Variants in GPRC5A observed in about 807,000 individuals in gnomAD.
GPRC5A encodes the protein G protein-coupled receptor class C group 5 member A.
A neutral mutation model predicts 22.5 loss-of-function variants in GPRC5A; 19 were observed. That is an observed-to-expected ratio of 0.85 (90% CI 0.59 to 1.24). GPRC5A has a LOEUF of 1.24. Ranked by LOEUF, GPRC5A falls within the 50% of genes most tolerant of loss-of-function variation. The pLI is 0.00. For missense variants in GPRC5A, 471 were observed against 451.1 expected (o/e 1.04, Z -0.40); for synonymous variants, 192 against 184.5 (o/e 1.04, Z -0.33).
At chr12:12,910,699 G>T (rs1266805146) in intron 2 of GPRC5A, among the ~76,000 whole-genome samples, 3 of 152,042 alleles carry the variant, frequency 2.0e-5, no homozygotes, top group Non-Finnish European at 2.9e-5. Context: ...GCATTCCCCA[G>T]TTTCCCCTGG....
chr12:12,905,770 C>T (rs556386356), intron 1 of GPRC5A, among the ~76,000 whole-genome samples: 1 of 152,182 alleles, frequency 6.6e-6, no homozygotes, highest in African/African-American at 2.4e-5. Flanking sequence ...AAAATTCACA[C>T]GAAGATTGTA....
At chr12:12,899,292 G>A (rs1863856582) in intron 1 of GPRC5A, among the ~76,000 whole-genome samples, 1 of 152,116 alleles carries the variant, frequency 6.6e-6, no homozygotes, top group South Asian at 2.1e-4. Context: ...CCATCTCTCG[G>A]CCTCTCAAAG....
At position 12,915,002 on chromosome 12, in the gene GPRC5A, A is replaced by G. The variant is rs980691251; in HGVS notation, c.*2463A>G. ...GAGGAGTAAAAGGTAAAATCACAAA[A>G]TACTCTGGATCGGCATTTTTTTTTT... On this transcript the variant is annotated 3_prime_UTR_variant, in exon 4 of 4. Transcript: ENST00000014914. 9 of 148,602 alleles carry G rather than the reference A, an allele frequency of 6.1e-5. No homozygotes were observed. Among genetic ancestry groups the G allele is most frequent in the Admixed American group, 2.8e-4 (4 of 14,486 alleles). The allele number at this position is 148,602 out of a possible 1,614,324, so 9.2% of individuals were successfully genotyped here. A position where few individuals can be genotyped will look rare whatever the true frequency, so the allele number is the denominator to read the frequency against.
intron 1 of GPRC5A, among the ~76,000 whole-genome samples, chr12:12,903,193 C>T (rs1863907636): frequency 6.6e-6 from 1 of 152,012 alleles, no homozygotes; most frequent in African/African-American, 2.4e-5. Flanking sequence ...CAAAATTGGC[C>T]ATATAGTAAT....
chr12:12,911,977 A>G (rs1864009895), intron 2 of GPRC5A, 107 bp from the exon 3 acceptor site: 1 of 715,076 alleles, frequency 1.4e-6, no homozygotes. Context: ...TCTGCTGGAG[A>G]GACAGGCAAT....
intron 2 of GPRC5A, 68 bp downstream of exon 2, chr12:12,909,239 T>A (rs1228380125): frequency 9.1e-7 from 1 of 1,101,462 alleles, no homozygotes; most frequent in Non-Finnish European, 1.3e-6. Flanking sequence ...TAGGATATTA[T>A]AACTGTAAGG....
chr12:12,917,210 ATCTGTGTGTG>A lies in GPRC5A; in HGVS notation c.*4673_*4682del, dbSNP rs1296750208. ...CAGGATGTTCCAAGGATGCTGCTGG[ATCTGTGTGTG>A]TGTGTGTGTGTGTGTGTGTGTGTGT... On this transcript the variant is annotated 3_prime_UTR_variant, in exon 4 of 4. Coordinates refer to ENST00000014914, the MANE Select transcript of GPRC5A (RefSeq NM_003979.4). 3 of 113,420 alleles carry A rather than the reference ATCTGTGTGTG, an allele frequency of 2.6e-5. No individual in the cohort carries two copies. Among genetic ancestry groups the A allele is most frequent in the Non-Finnish European group, 5.5e-5 (3 of 54,100 alleles). 7.0% of individuals were successfully genotyped at this position (113,420 alleles called of 1,614,324 possible).
chr12:12,901,762 CAAAAAAA>C (rs34748296), intron 1 of GPRC5A, among the ~76,000 whole-genome samples: 2 of 85,676 alleles, frequency 2.3e-5, no homozygotes, highest in African/African-American at 7.6e-5. Flanking sequence ...ACTTGGGCAT[CAAAAAAA>C]AAAAAAAAAA....
In GPRC5A at chr12:12,914,599, TC is replaced by T. The variant is rs1864043136; in HGVS notation, c.*2061del. 27 of 146,946 alleles carry T rather than the reference TC, an allele frequency of 1.8e-4. No homozygotes were observed. The highest frequency in any genetic ancestry group is 6.9e-4 in the African/African-American group (27 of 39,176). The allele number at this position is 146,946 out of a possible 1,614,324, so 9.1% of individuals were successfully genotyped here. A position where few individuals can be genotyped will look rare whatever the true frequency, so the allele number is the denominator to read the frequency against. ...TTCTTTCTTTCTTTCTTTCTTTCTCTCTCTCTCTCTCTCTCTCTTTCTTTCT... is the reference window on the plus strand; with the variant it reads ...TTCTTTCTTTCTTTCTTTCTTTCTCTTCTCTCTCTCTCTCTCTTTCTTTCT... On this transcript the variant is annotated 3_prime_UTR_variant, in exon 4 of 4. Coordinates refer to ENST00000014914, the MANE Select transcript of GPRC5A (RefSeq NM_003979.4).
chr12:12,900,906 A>AAC (rs1555104705), intron 1 of GPRC5A, among the ~76,000 whole-genome samples: 27 of 123,410 alleles, frequency 2.2e-4, no homozygotes, highest in East Asian at 1.9e-3. Context: ...AAAAAAAAAA[A>AAC]AAAAAAACAA....
chr12:12,897,498 G>C (rs185597732), intron 1 of GPRC5A, among the ~76,000 whole-genome samples: 1 of 152,044 alleles, frequency 6.6e-6, no homozygotes, highest in Non-Finnish European at 1.5e-5. Flanking sequence ...AGGTGGAGAC[G>C]GGAGTTAGGG....
chr12:12,913,583 C>T lies in GPRC5A; in HGVS notation c.*1044C>T, dbSNP rs1864030203. On this transcript the variant is annotated 3_prime_UTR_variant, in exon 4 of 4. Coordinates refer to ENST00000014914, the MANE Select transcript of GPRC5A (RefSeq NM_003979.4). ...CATGGTCTCCTAATGGAGGAGTGTT[C>T]ATTGTATAATAAGTTATTCACCTGA... is the stretch of plus-strand genomic sequence containing the variant. 1 of 152,146 alleles carries T rather than the reference C, an allele frequency of 6.6e-6. No homozygotes were observed. The highest frequency in any genetic ancestry group is 6.5e-5 in the Admixed American group (1 of 15,282). 9.4% of individuals were successfully genotyped at this position (152,146 alleles called of 1,614,324 possible).
intron 2 of GPRC5A, among the ~76,000 whole-genome samples, chr12:12,910,479 G>T (rs527647026): frequency 1.3e-5 from 2 of 152,254 alleles, no homozygotes; most frequent in East Asian, 1.9e-4. Flanking sequence ...ATGCTTTGCT[G>T]CTCACTTTCC....
chr12:12,905,176 C>T (rs115644787), intron 1 of GPRC5A, among the ~76,000 whole-genome samples: 28 of 152,246 alleles, frequency 1.8e-4, no homozygotes, highest in Middle Eastern at 3.4e-3. Flanking sequence ...CCACTGTGCC[C>T]GGCCAAGAAG....
chr12:12,907,692 C>T (rs183274240), intron 1 of GPRC5A, among the ~76,000 whole-genome samples: 6 of 152,224 alleles, frequency 3.9e-5, no homozygotes, highest in Non-Finnish European at 5.9e-5. Flanking sequence ...GGTGCAGTGA[C>T]GTGATCATAG....
At chr12:12,895,742 C>T (rs1437982680) in intron 1 of GPRC5A, among the ~76,000 whole-genome samples, 1 of 145,888 alleles carries the variant, frequency 6.9e-6, no homozygotes, top group Non-Finnish European at 1.5e-5. Context: ...CTTTGGGAGG[C>T]TGAGGCGGGC....
intron 1 of GPRC5A, among the ~76,000 whole-genome samples, chr12:12,898,510 G>A (rs566819054): frequency 5.9e-5 from 9 of 152,088 alleles, no homozygotes; most frequent in African/African-American, 2.2e-4. Context: ...CTCCAGCCTG[G>A]GCGACAGAGA....
intron 1 of GPRC5A, among the ~76,000 whole-genome samples, chr12:12,906,985 C>T (rs188833405): frequency 2.0e-5 from 3 of 151,382 alleles, no homozygotes; most frequent in East Asian, 2.0e-4. Context: ...ACCCAGGAGG[C>T]GGAGGTTGCG....
chr12:12,896,733 C>G (rs1019841283), intron 1 of GPRC5A, among the ~76,000 whole-genome samples: 24 of 152,266 alleles, frequency 1.6e-4, no homozygotes, highest in African/African-American at 5.8e-4. Flanking sequence ...TCTTAAGAAG[C>G]TTGTTGTCTG....
Sources: allele counts gnomAD v4.1 joint callset (sites outside exome capture counted in the v4.1 genomes callset), GRCh38; gene constraint gnomAD v4.1.1; transcripts MANE v1.5; gene names NCBI Gene and HGNC (gene_info 2026-07-23, HGNC 2026-07-21).